KPNB1: variants seen among roughly 807,000 people sequenced by gnomAD.
KPNB1 encodes importin subunit beta-1.
In KPNB1, 7 loss-of-function variants were observed where a neutral mutation model predicts 113.0. That is an observed-to-expected ratio of 0.06 (90% CI 0.04 to 0.12). The LOEUF (loss-of-function observed/expected upper bound fraction) is 0.12. KPNB1 is among the 10% of genes least tolerant of loss of function. The pLI is 1.00. For missense variants in KPNB1, 400 were observed against 1,054.8 expected (o/e 0.38, Z 8.60); for synonymous variants, 363 against 378.6 (o/e 0.96, Z 0.48).
In KPNB1 at chr17:47,652,859, C is replaced by A. The variant is rs1189348445; in HGVS notation, c.265C>A (p.Arg89=). ...RWLAIDANAR[R]EVKNYVLQTL... ...GCTTGCTATTGATGCTAATGCTCGA[C>A]GAGAAGTCAAGAACTATGTGAGTAA... Residue 89 remains arginine (R), a synonymous_variant, in exon 3 of 22, where the codon CGA becomes AGA. Transcript: ENST00000290158. 5 of 1,596,110 alleles carry A rather than the reference C, an allele frequency of 3.1e-6. No homozygotes were observed. Among genetic ancestry groups the A allele is most frequent in the Non-Finnish European group, 3.4e-6 (4 of 1,173,560 alleles).
rs149458125 is a variant in KPNB1 at position 47,670,045 on chromosome 17, T to G, written c.1416+176T>G. ...AACTGCAAGAGCCAGTGGGAACACT[T>G]GACTTATGGTTACTGGTTCCTGAAC... On this transcript the variant is annotated intron_variant, in intron 11 of 21. Transcript: ENST00000290158. 2.6e-5 allele frequency among the ~76,000 whole-genome samples: 4 copies of G among 152,346 alleles called. No homozygotes were observed. In the East Asian group the frequency reaches 5.8e-4, roughly 22 times the overall value.
chr17:47,676,499 G>T lies in KPNB1; in HGVS notation c.1995+8G>T, dbSNP rs754150817. The T allele has an allele frequency of 6.9e-6, 11 of 1,600,138 alleles. No homozygotes were observed. Among genetic ancestry groups the T allele is most frequent in the Non-Finnish European group, 9.4e-6 (11 of 1,167,234 alleles). ...AATTATGCTGAATACCAGGTAGGAT[G>T]TGCTTTTCAAAATAGTATGTTCCCA... On this transcript the variant is annotated splice_region_variant and intron_variant, in intron 16 of 21. Transcript: ENST00000290158.
Position 47,678,043 on chromosome 17 carries a change from C to G in KPNB1, c.2104-3C>G. On this transcript the variant is annotated splice_region_variant and splice_polypyrimidine_tract_variant and intron_variant, in intron 17 of 21. Transcript: ENST00000290158. Reference sequence around the variant, plus strand: ...ATTCACTTTTCCTTTTGTTCCTTGTCAGAATGAGAACGTCCACAGGTCTGT... The same window carrying G: ...ATTCACTTTTCCTTTTGTTCCTTGTGAGAATGAGAACGTCCACAGGTCTGT... The G allele has an allele frequency of 6.2e-7, 1 of 1,610,752 alleles. No homozygotes were observed. The highest frequency in any genetic ancestry group is 8.5e-7 in the Non-Finnish European group (1 of 1,178,938).
chr17:47,650,071 G>A lies in KPNB1; in HGVS notation c.-174G>A, dbSNP rs890619592. 8.6e-6 allele frequency: 12 copies of A among 1,393,306 alleles called. No homozygotes were observed. In the Admixed American group the frequency reaches 9.9e-5, roughly 11 times the overall value. 86.3% of individuals were successfully genotyped at this position (1,393,306 alleles called of 1,614,324 possible). ...AGGAAGTAAGGGAAGAGGAGAGGAA[G>A]GGGAGCCGGACCGACTACCCAGACA... On this transcript the variant is annotated 5_prime_UTR_variant, in exon 1 of 22. Coordinates refer to ENST00000290158, the MANE Select transcript of KPNB1 (RefSeq NM_002265.6).
At position 47,650,051 on chromosome 17, in the gene KPNB1, GT is replaced by G. The variant is rs1915481268; in HGVS notation, c.-193del. ...CCAGCAGCCCATTTGGAGGGAGGAA[GT>G]AAGGGAAGAGGAGAGGAAGGGGAGC... On this transcript the variant is annotated 5_prime_UTR_variant, in exon 1 of 22. Transcript: ENST00000290158. 2 of 1,367,250 alleles carry G rather than the reference GT, an allele frequency of 1.5e-6. No homozygotes were observed. The highest frequency in any genetic ancestry group is 1.9e-6 in the Non-Finnish European group (2 of 1,066,204). 84.7% of individuals were successfully genotyped at this position (1,367,250 alleles called of 1,614,324 possible). A position where few individuals can be genotyped will look rare whatever the true frequency, so the allele number is the denominator to read the frequency against.
At chr17:47,674,529 C>T (rs1219225434) in intron 14 of KPNB1, 109 bp from the exon 15 acceptor site, 1 of 1,145,964 alleles carries the variant, frequency 8.7e-7, no homozygotes, top group African/African-American at 1.6e-5. Context: ...TTGGCATTCC[C>T]AAAATTAAAA....
At position 47,684,320 on chromosome 17, in the gene KPNB1, G is replaced by A. The variant is rs2030880100; in HGVS notation, c.*1916G>A. On this transcript the variant is annotated 3_prime_UTR_variant, in exon 22 of 22. Transcript: ENST00000290158. Reference sequence around the variant, plus strand: ...TGTGCCTTTTGGTGCCAGGTTCAAAGTCAAGTGCCGATCTATGAACCAGTG... The same window carrying A: ...TGTGCCTTTTGGTGCCAGGTTCAAAATCAAGTGCCGATCTATGAACCAGTG... The A allele has an allele frequency of 6.6e-6, 1 of 151,294 alleles. No individual in the cohort carries two copies. Among genetic ancestry groups the A allele is most frequent in the African/African-American group, 2.4e-5 (1 of 41,040 alleles). The allele number at this position is 151,294 out of a possible 1,614,324, so 9.4% of individuals were successfully genotyped here. A position where few individuals can be genotyped will look rare whatever the true frequency, so the allele number is the denominator to read the frequency against.
intron 5 of KPNB1, among the ~76,000 whole-genome samples, chr17:47,659,632 T>C (rs1442394190): frequency 6.6e-6 from 1 of 152,158 alleles, no homozygotes; most frequent in African/African-American, 2.4e-5. Flanking sequence ...TTAACCAGTT[T>C]TGTGAGCTCT....
At chr17:47,652,565 T>C in intron 2 of KPNB1, 129 bp from the exon 3 acceptor site, 4 of 586,170 alleles carry the variant, frequency 6.8e-6, no homozygotes, top group Admixed American at 3.7e-5. Context: ...GAAATGCTTA[T>C]ATCAAAAAAA....
rs1915475748 is a variant in KPNB1, at chr17:47,649,949, C to T, written c.-296C>T. The T allele has an allele frequency of 3.0e-6, 4 of 1,312,398 alleles. No homozygotes were observed. The highest frequency in any genetic ancestry group is 3.9e-6 in the Non-Finnish European group (4 of 1,034,256). The allele number at this position is 1,312,398 out of a possible 1,614,324, so 81.3% of individuals were successfully genotyped here. A position where few individuals can be genotyped will look rare whatever the true frequency, so the allele number is the denominator to read the frequency against. Reference sequence around the variant, plus strand: ...CCTGCGCGCCGCCTCTCACTCACAGCCTCCCTTCCTTCTTTCTCCCTCCGC... The same window carrying T: ...CCTGCGCGCCGCCTCTCACTCACAGTCTCCCTTCCTTCTTTCTCCCTCCGC... On this transcript the variant is annotated 5_prime_UTR_variant, in exon 1 of 22. Transcript: ENST00000290158.
chr17:47,661,219 CT>C, intron 6 of KPNB1, 41 bp downstream of exon 6: 1 of 1,430,368 alleles, frequency 7.0e-7, no homozygotes, highest in Non-Finnish European at 9.9e-7. Flanking sequence ...TTACATCTTT[CT>C]TAGGAAATGT....
In KPNB1 at chr17:47,650,574, T is replaced by TCCCCCTCC. The variant is rs1915522925; in HGVS notation, c.99+135_99+136insTCCCCCCC. 3.0e-5 allele frequency: 15 copies of TCCCCCTCC among 503,336 alleles called. No homozygotes were observed. In the African/African-American group the frequency reaches 5.8e-4, roughly 19 times the overall value. The allele number at this position is 503,336 out of a possible 1,614,324, so 31.2% of individuals were successfully genotyped here. ...ATCCCGTCCCCCTCCCCCCTCCCCC[T>TCCCCCTCC]CCCCCCCCAACCCGGTCCAACCTAA... is the stretch of plus-strand genomic sequence containing the variant. On this transcript the variant is annotated intron_variant, in intron 2 of 21. Coordinates refer to ENST00000290158, the MANE Select transcript of KPNB1 (RefSeq NM_002265.6).
intron 10 of KPNB1, among the ~76,000 whole-genome samples, chr17:47,669,116 G>A (rs1038549807): frequency 1.3e-5 from 2 of 151,494 alleles, no homozygotes; most frequent in Non-Finnish European, 2.9e-5. Context: ...GTAGGGAGGC[G>A]GGGGGATGGA....
At chr17:47,671,203 G>A (rs1567892857) in intron 12 of KPNB1, among the ~76,000 whole-genome samples, 1 of 152,200 alleles carries the variant, frequency 6.6e-6, no homozygotes, top group Non-Finnish European at 1.5e-5. Flanking sequence ...GTTGCAGTGA[G>A]CTGAGACTGC....
chr17:47,681,289 G>A (rs914279913), intron 21 of KPNB1, among the ~76,000 whole-genome samples: 11 of 138,382 alleles, frequency 7.9e-5, no homozygotes, highest in African/African-American at 3.0e-4. Flanking sequence ...TTTTCTTTTG[G>A]AGACAGTCTC....
intron 9 of KPNB1, among the ~76,000 whole-genome samples, chr17:47,667,424 A>C (rs934461325): frequency 6.7e-6 from 1 of 149,926 alleles, no homozygotes; most frequent in Admixed American, 6.6e-5. Context: ...ACTGCACTGC[A>C]CCTTGCCTCT....
chr17:47,677,507 GGAGCTGTAAGTTTCTA>G (rs1301082099), intron 17 of KPNB1, among the ~76,000 whole-genome samples: 2 of 151,714 alleles, frequency 1.3e-5, no homozygotes, highest in Non-Finnish European at 2.9e-5. Context: ...TCAGTGACAG[GGAGCTGTAAGTTTCTA>G]GAACATTGGC....
intron 2 of KPNB1, 87 bp downstream of exon 2, chr17:47,650,531 G>C (rs1320033294): frequency 2.4e-5 from 28 of 1,182,456 alleles, no homozygotes; most frequent in East Asian, 2.1e-4. Flanking sequence ...CCCAGGCCTC[G>C]GGAACCTACC....
At chr17:47,657,483 C>G (rs1329030026) in intron 4 of KPNB1, among the ~76,000 whole-genome samples, 1 of 152,000 alleles carries the variant, frequency 6.6e-6, no homozygotes, top group Non-Finnish European at 1.5e-5. Context: ...TAGATGTAGC[C>G]CCCCCAGCAC....
Sources: allele counts gnomAD v4.1 joint callset (sites outside exome capture counted in the v4.1 genomes callset), GRCh38; gene constraint gnomAD v4.1.1; transcripts MANE v1.5; gene names NCBI Gene and HGNC (gene_info 2026-07-23, HGNC 2026-07-21).